The following SGCZ variants were observed in gnomAD, a reference collection of about 807,000 sequenced individuals.
SGCZ encodes the protein zeta-sarcoglycan.
Under a neutral mutation model 41.3 loss-of-function variants are expected in SGCZ, and 40 were observed. The observed-to-expected ratio is 0.97, with a 90% CI of 0.75 to 1.26. The LOEUF (loss-of-function observed/expected upper bound fraction) is 1.26. SGCZ is among the 50% of genes most tolerant of loss of function. The pLI is 0.00. For synonymous variants in SGCZ, 206 were observed against 137.5 expected (o/e 1.50, Z -3.49); for missense variants, 552 against 369.8 (o/e 1.49, Z -4.04).
intron 1 of SGCZ, among the ~76,000 whole-genome samples, chr8:15,202,235 T>C (rs1174639948): frequency 6.6e-6 from 1 of 152,198 alleles, no homozygotes; most frequent in Non-Finnish European, 1.5e-5. Flanking sequence ...GAAATCTTTC[T>C]GTAGAGGCCA....
chr8:14,345,952 C>A (rs1029767861), intron 2 of SGCZ, among the ~76,000 whole-genome samples: 2 of 151,958 alleles, frequency 1.3e-5, no homozygotes, highest in Admixed American at 6.6e-5. Flanking sequence ...CTCAGTAGAA[C>A]AAAGGGAATT....
Position 14,398,037 on chromosome 8 carries a change from G to A in SGCZ, c.235-73833C>T, listed in dbSNP as rs117104141. Among the ~76,000 whole-genome samples the A allele has an allele frequency of 8.9e-3, 1,349 of 152,134 alleles. 48 individuals carry two copies. In the East Asian group the frequency reaches 0.1, roughly 12 times the overall value. On this transcript the variant is annotated intron_variant, in intron 2 of 7. Transcript: ENST00000382080. ...AATGGTTCAGACCATCAACTCAAAG[G>A]ACCCTTTTTGTGACCCTCAATTGAC...
chr8:15,026,659 G>T (rs1161084798), intron 1 of SGCZ, among the ~76,000 whole-genome samples: 1 of 152,268 alleles, frequency 6.6e-6, no homozygotes, highest in South Asian at 2.1e-4. Context: ...GAGATTCATT[G>T]TCCAAGCCAT....
intron 1 of SGCZ, among the ~76,000 whole-genome samples, chr8:14,948,686 C>T (rs1379239703): frequency 1.3e-5 from 2 of 152,294 alleles, no homozygotes; most frequent in South Asian, 2.1e-4. Context: ...TCTGTGAATA[C>T]CTCAAGCCTA....
intron 1 of SGCZ, among the ~76,000 whole-genome samples, chr8:14,731,378 T>A (rs1363398381): frequency 6.7e-6 from 1 of 150,322 alleles, no homozygotes; most frequent in Non-Finnish European, 1.5e-5. Flanking sequence ...CACACTGGGG[T>A]CTGTCAGGGG....
At chr8:14,327,746 G>C (rs903427236) in intron 2 of SGCZ, among the ~76,000 whole-genome samples, 2 of 152,076 alleles carry the variant, frequency 1.3e-5, no homozygotes, top group Admixed American at 6.6e-5. Flanking sequence ...ATTTAAATTA[G>C]ATAAAACAGA....
chr8:14,366,997 C>T (rs1323684583), intron 2 of SGCZ, among the ~76,000 whole-genome samples: 1 of 152,060 alleles, frequency 6.6e-6, no homozygotes, highest in Admixed American at 6.6e-5. Context: ...AAATTTTCCC[C>T]CAGAAAATGG....
chr8:15,030,172 C>T (rs1418636529), intron 1 of SGCZ, among the ~76,000 whole-genome samples: 2 of 152,032 alleles, frequency 1.3e-5, no homozygotes, highest in Non-Finnish European at 2.9e-5. Flanking sequence ...GAAGGATCCC[C>T]TTAAAGGGCG....
chr8:15,168,776 A>G (rs953007546), intron 1 of SGCZ, among the ~76,000 whole-genome samples: 1 of 152,180 alleles, frequency 6.6e-6, no homozygotes, highest in Admixed American at 6.5e-5. Context: ...CAGTTAGGCA[A>G]TTGTGTCTCC....
At chr8:14,438,517 A>C (rs1002249345) in intron 2 of SGCZ, among the ~76,000 whole-genome samples, 1 of 151,948 alleles carries the variant, frequency 6.6e-6, no homozygotes, top group Non-Finnish European at 1.5e-5. Flanking sequence ...TCTATTCTAG[A>C]CTTGTACATG....
At chr8:14,382,327 T>G (rs537939709) in intron 2 of SGCZ, among the ~76,000 whole-genome samples, 1 of 152,148 alleles carries the variant, frequency 6.6e-6, no homozygotes, top group East Asian at 1.9e-4. Flanking sequence ...ATTGTTTGCG[T>G]AAGGCCCAAA....
At chr8:14,208,482 G>A (rs1035042115) in intron 4 of SGCZ, among the ~76,000 whole-genome samples, 23 of 152,066 alleles carry the variant, frequency 1.5e-4, no homozygotes, top group African/African-American at 5.6e-4. Context: ...ATATAGAGCT[G>A]ATATCAAAAA....
At chr8:14,180,440 A>G (rs1452043151) in intron 4 of SGCZ, among the ~76,000 whole-genome samples, 1 of 152,080 alleles carries the variant, frequency 6.6e-6, no homozygotes, top group Non-Finnish European at 1.5e-5. Context: ...TAATAACTCT[A>G]GGGCCTGGTA....
intron 2 of SGCZ, among the ~76,000 whole-genome samples, chr8:14,458,775 T>C (rs1321131376): frequency 6.6e-6 from 1 of 152,174 alleles, no homozygotes; most frequent in Admixed American, 6.5e-5. Flanking sequence ...GTAGCAATGA[T>C]ACCCCAGAAG....
intron 1 of SGCZ, among the ~76,000 whole-genome samples, chr8:14,809,298 T>G (rs891467416): frequency 6.6e-6 from 1 of 151,884 alleles, no homozygotes; most frequent in African/African-American, 2.4e-5. Context: ...GAGAAATGTG[T>G]AAGAAAATTT....
chr8:15,023,512 T>C (rs941834867), intron 1 of SGCZ, among the ~76,000 whole-genome samples: 4 of 152,320 alleles, frequency 2.6e-5, no homozygotes, highest in East Asian at 1.9e-4. Context: ...CTGTTCATGC[T>C]ACTCAAAGTA....
intron 1 of SGCZ, among the ~76,000 whole-genome samples, chr8:15,183,203 A>G (rs1800229756): frequency 6.6e-6 from 1 of 151,684 alleles, no homozygotes; most frequent in Non-Finnish European, 1.5e-5. Context: ...GTATGCATCA[A>G]TAGTATAGTA....
intron 2 of SGCZ, among the ~76,000 whole-genome samples, chr8:14,375,742 C>G (rs894890795): frequency 1.3e-5 from 2 of 152,002 alleles, no homozygotes; most frequent in African/African-American, 4.8e-5. Context: ...AAGTTTATAG[C>G]CTTCAGTATG....
chr8:14,712,338 A>G (rs1809547390), intron 1 of SGCZ, among the ~76,000 whole-genome samples: 2 of 152,200 alleles, frequency 1.3e-5, no homozygotes, highest in South Asian at 4.1e-4. Context: ...CAGAATTGTA[A>G]TTACTTTTAA....
Sources: gnomAD v4.1 joint callset for allele counts (sites outside exome capture counted in the v4.1 genomes callset) on GRCh38, gnomAD v4.1.1 for gene constraint, MANE v1.5 for transcripts, NCBI Gene and HGNC (gene_info 2026-07-23, HGNC 2026-07-21) for gene names.